Variants in KDM3A observed in about 807,000 individuals in gnomAD.
KDM3A encodes lysine-specific demethylase 3A.
A neutral mutation model predicts 158.0 loss-of-function variants in KDM3A; 60 were observed. That is an observed-to-expected ratio of 0.38 (90% CI 0.31 to 0.47). KDM3A has a LOEUF of 0.47. Ranked by LOEUF, KDM3A falls within the 20% of genes least tolerant of loss-of-function variation. KDM3A has a pLI of 0.99. For synonymous variants in KDM3A, 608 were observed against 549.3 expected, an observed-to-expected ratio of 1.11 and a Z score of -1.49; for missense variants, 1,319 against 1,574.3, an observed-to-expected ratio of 0.84 and a Z score of 2.74.
intron 2 of KDM3A, among the ~76,000 whole-genome samples, chr2:86,446,955 G>T (rs1682981970): frequency 6.6e-6 from 1 of 152,110 alleles, no homozygotes; most frequent in Admixed American, 6.5e-5. Context: ...AGGACCACAG[G>T]TGGGCACCAC....
intron 1 of KDM3A, 86 bp from the exon 2 acceptor site, chr2:86,441,932 C>T: frequency 2.8e-6 from 3 of 1,088,080 alleles, no homozygotes; most frequent in Non-Finnish European, 3.9e-6. Flanking sequence ...GCGGGTTCGG[C>T]GCCCTCCGCC....
At chr2:86,474,701 T>TTGTGTGTGTGTGTGTGTGTG (rs369518183) in intron 11 of KDM3A, 75 bp from the exon 12 acceptor site, 4 of 399,898 alleles carry the variant, frequency 1.0e-5, no homozygotes, top group African/African-American at 9.6e-5. Flanking sequence ...TGTAAATAAG[T>TTGTGTGTGTGTGTGTGTGTG]TGTGTGTGTG....
At chr2:86,478,076 C>T (rs769462899) in intron 13 of KDM3A, 47 bp downstream of exon 13, 2 of 1,611,692 alleles carry the variant, frequency 1.2e-6, no homozygotes, top group African/African-American at 1.3e-5. Flanking sequence ...ACAGTTAAAT[C>T]AAGTGTTTTT....
At chr2:86,444,721 A>G (rs933673045) in intron 2 of KDM3A, among the ~76,000 whole-genome samples, 1 of 152,178 alleles carries the variant, frequency 6.6e-6, no homozygotes, top group Admixed American at 6.5e-5. Flanking sequence ...ATATGTAACC[A>G]TTCTTCTATT....
At chr2:86,476,792 C>T (rs1673676461) in intron 12 of KDM3A, among the ~76,000 whole-genome samples, 1 of 152,176 alleles carries the variant, frequency 6.6e-6, no homozygotes, top group Non-Finnish European at 1.5e-5. Context: ...GTTCATTCAG[C>T]AGTTGGATTG....
In KDM3A at chr2:86,466,737, G is replaced by A. The variant is rs200322891; in HGVS notation, c.1373G>A (p.Gly458Asp). The stretch of plus-strand genomic sequence containing the variant: ...TCAAATGCACCAGAAGTGAAAGCAG[G>A]TGTCAATAGTGATAGCCCTAATAAC... The part of the protein sequence containing the change: ...DVSNAPEVKA[G>D]VNSDSPNNCS... The change falls in exon 10 of 26, where the codon GGT (glycine) becomes GAT (aspartate). Residue 458 changes from glycine (G) to aspartate (D), a missense_variant. By Grantham distance (94) the Gly-to-Asp change is moderately conservative (BLOSUM62 -1). Transcript: ENST00000312912. 3 of 1,613,904 alleles carry A rather than the reference G, an allele frequency of 1.9e-6. No individual in the cohort carries two copies. The highest frequency in any genetic ancestry group is 1.3e-5 in the African/African-American group (1 of 75,034).
chr2:86,466,977 C>A, intron 10 of KDM3A, 94 bp downstream of exon 10: 1 of 1,074,490 alleles, frequency 9.3e-7, no homozygotes, highest in Middle Eastern at 2.5e-4. Flanking sequence ...GTGAAAATGA[C>A]TTTGTAGAAA....
At chr2:86,467,718 A>G (rs1292440657) in intron 10 of KDM3A, among the ~76,000 whole-genome samples, 1 of 152,180 alleles carries the variant, frequency 6.6e-6, no homozygotes, top group Non-Finnish European at 1.5e-5. Context: ...GGAAATTGAT[A>G]TGGATTTTGT....
At chr2:86,449,750 A>C in intron 2 of KDM3A, 57 bp from the exon 3 acceptor site, 18 of 1,533,698 alleles carry the variant, frequency 1.2e-5, no homozygotes, top group Non-Finnish European at 1.6e-5. Context: ...GGCATTTGTA[A>C]TGCTTATTTT....
intron 8 of KDM3A, among the ~76,000 whole-genome samples, chr2:86,463,025 A>G (rs1056078360): frequency 6.6e-6 from 1 of 152,230 alleles, no homozygotes; most frequent in African/African-American, 2.4e-5. Context: ...CTGGAGGCAG[A>G]GGTTGCAATG....
chr2:86,441,330 G>A (rs1682688721), upstream of KDM3A: 1 of 152,398 alleles, frequency 6.6e-6, no homozygotes, highest in East Asian at 1.9e-4. Context: ...GAGGGGGGCG[G>A]GTCCGGGAGG....
chr2:86,489,154 A>G (rs747763156), intron 21 of KDM3A, 164 bp from the exon 22 acceptor site: 104 of 712,616 alleles, frequency 1.5e-4, no homozygotes, highest in Non-Finnish European at 2.2e-4. Context: ...TTTTCTTGCT[A>G]GCACATCGAT....
chr2:86,468,808 T>C (rs1174409550), intron 10 of KDM3A, among the ~76,000 whole-genome samples: 2 of 152,208 alleles, frequency 1.3e-5, no homozygotes, highest in Non-Finnish European at 2.9e-5. Flanking sequence ...AAGTGGGCGT[T>C]GCATTTTTCT....
At chr2:86,491,801 A>C (rs973791334) in intron 25 of KDM3A, 4 of 530,124 alleles carry the variant, frequency 7.5e-6, no homozygotes, top group Admixed American at 3.3e-5. Context: ...GAGTAGGTCT[A>C]CGTGGTATCA....
At position 86,451,084 on chromosome 2, in the gene KDM3A, G is replaced by A. The variant is rs375225586; in HGVS notation, c.343-19G>A. 7.1e-5 allele frequency: 108 copies of A among 1,521,370 alleles called. 5 individuals are homozygous for A. The East Asian group carries it at 9.0e-4, about 13-fold the overall frequency. 94.2% of individuals were successfully genotyped at this position (1,521,370 alleles called of 1,614,324 possible). On this transcript the variant is annotated intron_variant, in intron 3 of 25. Coordinates refer to ENST00000312912, the MANE Select transcript of KDM3A (RefSeq NM_018433.6). ...TGCTGACAGCAGTTATGATGCTAAA[G>A]TGTTTTCTTTTGTTTTAGACGTACA...
At chr2:86,440,038 T>C (rs368976555), upstream of KDM3A, among the ~76,000 whole-genome samples, 149 of 152,330 alleles carry the variant, frequency 9.8e-4, no homozygotes, top group African/African-American at 3.2e-3. Flanking sequence ...TTTGGACTTT[T>C]CACATGAAAA....
intron 16 of KDM3A, among the ~76,000 whole-genome samples, chr2:86,481,716 A>G (rs1384607180): frequency 6.6e-6 from 1 of 152,196 alleles, no homozygotes; most frequent in African/African-American, 2.4e-5. Context: ...ACAAAGGTCA[A>G]TTTACAAAAT....
chr2:86,480,219 C>T lies in KDM3A; in HGVS notation c.2369C>T (p.Pro790Leu). ...PTLGAVLQQN[P>L]SVLEPAAVGG... ...CTTGGTGCAGTGCTCCAGCAGAATC[C>T]CTCAGTGTTGGAGCCAGCAGCTGTG... is the stretch of plus-strand genomic sequence containing the variant. The change falls in exon 16 of 26, where the codon CCC becomes CTC. Residue 790 changes from proline to leucine, a missense_variant. By Grantham distance (98) the Pro-to-Leu change is moderately conservative (BLOSUM62 -3). Around this residue, in one of 4 missense-constraint regions of KDM3A, gnomAD observed 368 missense variants for 415.8 expected, o/e 0.89. Coordinates refer to ENST00000312912, the MANE Select transcript of KDM3A (RefSeq NM_018433.6). The T allele has an allele frequency of 6.2e-7, 1 of 1,613,572 alleles. No homozygotes were observed. Among genetic ancestry groups the T allele is most frequent in the Non-Finnish European group, 8.5e-7 (1 of 1,180,016 alleles).
chr2:86,445,539 T>C (rs1418154140), intron 2 of KDM3A, among the ~76,000 whole-genome samples: 1 of 152,170 alleles, frequency 6.6e-6, no homozygotes, highest in African/African-American at 2.4e-5. Context: ...CCTTTTTTCT[T>C]TGAAGCCTAC....
Sources: gnomAD v4.1 joint callset for allele counts (sites outside exome capture counted in the v4.1 genomes callset) on GRCh38, gnomAD v4.1.1 for gene constraint, gnomAD v4.1.1 regional missense constraint, MANE v1.5 for transcripts, NCBI Gene and HGNC (gene_info 2026-07-23, HGNC 2026-07-21) for gene names.